ST6GALNAC1: variants seen among roughly 807,000 people sequenced by gnomAD.
ST6GALNAC1 encodes ST6 N-acetylgalactosaminide alpha-2,6-sialyltransferase 1.
A neutral mutation model predicts 56.8 loss-of-function variants in ST6GALNAC1; 45 were observed. That is an observed-to-expected ratio of 0.79 (90% CI 0.62 to 1.02). The LOEUF is 1.02. Among genes scored for constraint, ST6GALNAC1 ranks in the 50% least tolerant of loss-of-function variants. ST6GALNAC1 has a pLI of 0.00. For missense variants in ST6GALNAC1, 743 were observed against 754.8 expected (o/e 0.98, Z 0.18); for synonymous variants, 295 against 297.8 (o/e 0.99, Z 0.10).
At position 76,627,514 on chromosome 17, in the gene ST6GALNAC1, G is replaced by C; in HGVS notation, c.901C>G (p.Leu301Val). 4 of 1,614,204 alleles carry C rather than the reference G, an allele frequency of 2.5e-6. No homozygotes were observed. Among genetic ancestry groups the C allele is most frequent in the South Asian group, 2.2e-5 (2 of 91,090 alleles). ...TGTCTGGAGTCCAGGAAGAGAGTGA[G>C]GTTGGGCAGAAAGAGTTTCTGGAGC... is the stretch of plus-strand genomic sequence containing the variant. ...LWLQKLFLPN[L>V]TLFLDSRHFN... Residue 301 changes from leucine to valine, a missense_variant, in exon 3 of 9, where the codon CTC becomes GTC. Physicochemically the swap from Leu to Val is conservative, Grantham distance 32. Transcript: ENST00000156626. The surrounding 1 kb of genome is among the most constrained non-coding windows in gnomAD (Gnocchi z 4.4).
Position 76,629,800 on chromosome 17 carries a change from T to G in ST6GALNAC1, c.132-89A>C, listed in dbSNP as rs2075866878. On this transcript the variant is annotated intron_variant, in intron 1 of 8. Coordinates refer to ENST00000156626, the MANE Select transcript of ST6GALNAC1 (RefSeq NM_018414.5). ...AGTTTTTTGTTTTTTTTTTTTTTTT[T>G]GAGACACAGTCTTGCTCTGTCACCC... is the stretch of plus-strand genomic sequence containing the variant. 3 of 995,484 alleles carry G rather than the reference T, an allele frequency of 3.0e-6. No individual in the cohort carries two copies. In the African/African-American group the frequency reaches 4.9e-5, roughly 16 times the overall value. 61.7% of individuals were successfully genotyped at this position (995,484 alleles called of 1,614,324 possible). A position where few individuals can be genotyped will look rare whatever the true frequency, so the allele number is the denominator to read the frequency against.
chr17:76,633,692 C>G (rs905660697), intron 1 of ST6GALNAC1: 2 of 152,012 alleles, frequency 1.3e-5, no homozygotes, highest in African/African-American at 4.8e-5. Flanking sequence ...CTCATTGCAG[C>G]CTCGACCTCC....
At chr17:76,619,740 GT>G in the ST6GALNAC1 span, among the ~76,000 whole-genome samples, 37,791 of 99,792 alleles carry the variant, frequency 0.38, 5,587 homozygotes, top group Middle Eastern at 0.4. Flanking sequence ...AATAATGTTA[GT>G]TTTTTTTTTT....
rs573398563 is a variant in ST6GALNAC1, at chr17:76,624,989, CTA to C, written c.*339_*340del. ...ACTCGATCTGGAATTCAAACCAGAT[CTA>C]TATGTTTCTGTAAATCCAGGCTCTT... On this transcript the variant is annotated 3_prime_UTR_variant, in exon 9 of 9. Transcript: ENST00000156626. The C allele has an allele frequency of 3.4e-3, 1,083 of 323,124 alleles. 14 individuals carry two copies. Among genetic ancestry groups the C allele is most frequent in the African/African-American group, 0.021 (969 of 46,918 alleles). 20.0% of individuals were successfully genotyped at this position (323,124 alleles called of 1,614,324 possible).
chr17:76,619,652 A>T, the ST6GALNAC1 span, among the ~76,000 whole-genome samples: 1 of 151,350 alleles, frequency 6.6e-6, no homozygotes, highest in East Asian at 1.9e-4. Context: ...AATGTTTGTT[A>T]TCCTTTTTGT....
chr17:76,624,234 T>C (rs570907824), downstream of ST6GALNAC1, among the ~76,000 whole-genome samples: 15 of 152,140 alleles, frequency 9.9e-5, no homozygotes, highest in South Asian at 3.1e-3. Context: ...TTTATTTGTT[T>C]ATTTATTTAT....
In ST6GALNAC1 at chr17:76,643,747, G is replaced by A; in HGVS notation, c.-109C>T. 1 of 1,143,638 alleles carries A rather than the reference G, an allele frequency of 8.7e-7. No individual in the cohort carries two copies. Among genetic ancestry groups the A allele is most frequent in the Non-Finnish European group, 1.2e-6 (1 of 801,978 alleles). The allele number at this position is 1,143,638 out of a possible 1,614,324, so 70.8% of individuals were successfully genotyped here. On this transcript the variant is annotated 5_prime_UTR_variant, in exon 1 of 9. Transcript: ENST00000156626. ...CCTGGCCAGGAAGTGCACACCCTTT[G>A]TCTTAACAATGAGCCACTCCGGCAA...
rs529501241 is a variant in ST6GALNAC1 at position 76,643,724 on chromosome 17, T to C, written c.-86A>G. The C allele has an allele frequency of 9.1e-6, 13 of 1,433,058 alleles. No individual in the cohort carries two copies. In the South Asian group the frequency reaches 1.6e-4, roughly 17 times the overall value. 88.8% of individuals were successfully genotyped at this position (1,433,058 alleles called of 1,614,324 possible). A position where few individuals can be genotyped will look rare whatever the true frequency, so the allele number is the denominator to read the frequency against. On this transcript the variant is annotated 5_prime_UTR_variant, in exon 1 of 9. Coordinates refer to ENST00000156626, the MANE Select transcript of ST6GALNAC1 (RefSeq NM_018414.5). ...TGGGAGTCTCACCGCTCAGGTTTCC[T>C]GGCCAGGAAGTGCACACCCTTTGTC...
chr17:76,629,831 G>A (rs1342220524), intron 1 of ST6GALNAC1, 120 bp from the exon 2 acceptor site: 3 of 725,366 alleles, frequency 4.1e-6, no homozygotes, highest in Non-Finnish European at 6.6e-6. Context: ...CACCCAGGCT[G>A]GAGTGCAGTG....
chr17:76,643,705 T>A lies in ST6GALNAC1; in HGVS notation c.-67A>T. 6.5e-7 allele frequency: 1 copy of A among 1,534,390 alleles called. No homozygotes were observed. Among genetic ancestry groups the A allele is most frequent in the Non-Finnish European group, 8.9e-7 (1 of 1,119,762 alleles). On this transcript the variant is annotated 5_prime_UTR_variant, in exon 1 of 9. Transcript: ENST00000156626. ...GGGCCTTGATGTAGGCAGCTGGGAGTCTCACCGCTCAGGTTTCCTGGCCAG... is the reference window on the plus strand; with the variant it reads ...GGGCCTTGATGTAGGCAGCTGGGAGACTCACCGCTCAGGTTTCCTGGCCAG...
chr17:76,625,174 T>G lies in ST6GALNAC1; in HGVS notation c.*156A>C. ...AACCTCAATTAGCCATTTGCCATCT[T>G]GAGAGAGTCTTGTCCATGGTTCAAG... On this transcript the variant is annotated 3_prime_UTR_variant, in exon 9 of 9. Coordinates refer to ENST00000156626, the MANE Select transcript of ST6GALNAC1 (RefSeq NM_018414.5). 14 of 748,284 alleles carry G rather than the reference T, an allele frequency of 1.9e-5. No individual in the cohort carries two copies. The highest frequency in any genetic ancestry group is 2.8e-5 in the Non-Finnish European group (13 of 470,852). 46.4% of individuals were successfully genotyped at this position (748,284 alleles called of 1,614,324 possible). A position where few individuals can be genotyped will look rare whatever the true frequency, so the allele number is the denominator to read the frequency against.
chr17:76,625,299 G>A lies in ST6GALNAC1; in HGVS notation c.*31C>T. 1 of 1,606,038 alleles carries A rather than the reference G, an allele frequency of 6.2e-7. No homozygotes were observed. Among genetic ancestry groups the A allele is most frequent in the Non-Finnish European group, 8.5e-7 (1 of 1,176,722 alleles). On this transcript the variant is annotated 3_prime_UTR_variant, in exon 9 of 9. Coordinates refer to ENST00000156626, the MANE Select transcript of ST6GALNAC1 (RefSeq NM_018414.5). ...CCACTGTATCCTGTGCCTTGGAGCAGGCAAGGAGACCATGGCAGCCCTGGC... is the reference window on the plus strand; with the variant it reads ...CCACTGTATCCTGTGCCTTGGAGCAAGCAAGGAGACCATGGCAGCCCTGGC...
At chr17:76,621,941 TTC>T (rs1385179203), downstream of ST6GALNAC1, among the ~76,000 whole-genome samples, 1 of 53,432 alleles carries the variant, frequency 1.9e-5, no homozygotes, top group African/African-American at 3.5e-5. Context: ...AGTCTTTCTT[TTC>T]TTTTTTTTTT....
intron 1 of ST6GALNAC1, among the ~76,000 whole-genome samples, chr17:76,638,303 A>G (rs1319130382): frequency 6.6e-6 from 1 of 152,166 alleles, no homozygotes; most frequent in Non-Finnish European, 1.5e-5. Flanking sequence ...CACATCACTG[A>G]ACAAATGATG....
chr17:76,632,726 G>T (rs1339919260), intron 1 of ST6GALNAC1, among the ~76,000 whole-genome samples: 1 of 152,066 alleles, frequency 6.6e-6, no homozygotes, highest in East Asian at 1.9e-4. Context: ...TATTCAACGC[G>T]TTCGGCCCTG....
intron 8 of ST6GALNAC1, 118 bp from the exon 9 acceptor site, chr17:76,625,645 CTG>C: frequency 1.5e-6 from 2 of 1,290,664 alleles, no homozygotes; most frequent in Non-Finnish European, 2.1e-6. Context: ...CCCTAGGGGT[CTG>C]GGTGCAGGTC....
chr17:76,625,618 CT>C, intron 8 of ST6GALNAC1, 91 bp from the exon 9 acceptor site: 5 of 1,476,136 alleles, frequency 3.4e-6, no homozygotes, highest in South Asian at 1.2e-5. Flanking sequence ...GGTGGGGGTT[CT>C]TTTCCCTGGC....
At chr17:76,638,429 T>G (rs1428760215) in intron 1 of ST6GALNAC1, among the ~76,000 whole-genome samples, 1 of 151,976 alleles carries the variant, frequency 6.6e-6, no homozygotes, top group East Asian at 1.9e-4. Flanking sequence ...CAGGCTGGAG[T>G]GCAGTAGAGC....
chr17:76,631,096 T>C lies in ST6GALNAC1; in HGVS notation c.132-1385A>G, dbSNP rs996307976. ...GTGTGTGTGTGTGTGTGTGTGTGTG[T>C]GCACGCGTGCGCGAGCACTTGTGTG... On this transcript the variant is annotated intron_variant, in intron 1 of 8. Transcript: ENST00000156626. Among the ~76,000 whole-genome samples, 29 of 125,444 alleles carry C rather than the reference T, an allele frequency of 2.3e-4. 1 individual carries two copies. Among genetic ancestry groups the C allele is most frequent in the African/African-American group, 7.0e-4 (24 of 34,454 alleles). 82.3% of individuals were successfully genotyped at this position (125,444 alleles called of 152,430 possible).
Sources: allele counts gnomAD v4.1 joint callset (sites outside exome capture counted in the v4.1 genomes callset), GRCh38; gene constraint gnomAD v4.1.1; non-coding constraint Gnocchi (gnomAD v3.1); transcripts MANE v1.5; gene names NCBI Gene and HGNC (gene_info 2026-07-23, HGNC 2026-07-21).